The following TNPO1 variants were observed in gnomAD, a reference collection of about 807,000 sequenced individuals.
TNPO1 encodes transportin 1.
Under a neutral mutation model 119.5 loss-of-function variants are expected in TNPO1, and 8 were observed. The observed-to-expected ratio is 0.07, with a 90% CI of 0.04 to 0.12. TNPO1 has a LOEUF of 0.12. Ranked by LOEUF, TNPO1 falls within the 10% of genes least tolerant of loss-of-function variation. TNPO1 has a pLI of 1.00. For synonymous variants in TNPO1, 362 were observed against 363.0 expected, an observed-to-expected ratio of 1.00 and a Z score of 0.03; for missense variants, 576 against 1,089.8, an observed-to-expected ratio of 0.53 and a Z score of 6.64.
chr5:72,881,763 G>A (rs1261135377), intron 9 of TNPO1, among the ~76,000 whole-genome samples: 2 of 152,068 alleles, frequency 1.3e-5, no homozygotes, highest in East Asian at 1.9e-4. Context: ...CATATGAGCT[G>A]TTCTCTCCTA....
At chr5:72,893,270 T>G in intron 16 of TNPO1, 24 bp downstream of exon 16, 1 of 1,608,724 alleles carries the variant, frequency 6.2e-7, no homozygotes. Context: ...AATGTCTTCC[T>G]CTTCTTGACA....
chr5:72,841,234 C>T (rs1425140642), intron 1 of TNPO1, among the ~76,000 whole-genome samples: 1 of 151,942 alleles, frequency 6.6e-6, no homozygotes, highest in African/African-American at 2.4e-5. Flanking sequence ...GATTCTCCTG[C>T]CTCAGCCTCC....
intron 1 of TNPO1, among the ~76,000 whole-genome samples, chr5:72,832,900 A>G (rs771318275): frequency 2.6e-5 from 4 of 152,122 alleles, no homozygotes; most frequent in Non-Finnish European, 5.9e-5. Flanking sequence ...TTTACTCTCC[A>G]CCCATCTGGG....
At chr5:72,873,874 G>T (rs1209508044) in intron 7 of TNPO1, among the ~76,000 whole-genome samples, 1 of 152,126 alleles carries the variant, frequency 6.6e-6, no homozygotes, top group African/African-American at 2.4e-5. Flanking sequence ...CTGCCACAGA[G>T]TAAGCAGGCA....
At chr5:72,849,183 C>A (rs568185783) in intron 2 of TNPO1, among the ~76,000 whole-genome samples, 1 of 152,310 alleles carries the variant, frequency 6.6e-6, no homozygotes, top group East Asian at 1.9e-4. Context: ...TCAAGGCTGA[C>A]TGCACAATTA....
intron 11 of TNPO1, among the ~76,000 whole-genome samples, chr5:72,883,792 A>G (rs148015552): frequency 1.5e-3 from 227 of 152,000 alleles, no homozygotes; most frequent in African/African-American, 5.3e-3. Context: ...GGCTAGCATG[A>G]TTATGCAGTG....
rs555890488 is a variant in TNPO1 at position 72,848,057 on chromosome 5, C to T, written c.16-328C>T. The T allele has an allele frequency of 5.7e-5, 60 of 1,058,350 alleles. 1 individual carries two copies. The South Asian group carries it at 1.9e-3, about 33-fold the overall frequency. 65.6% of individuals were successfully genotyped at this position (1,058,350 alleles called of 1,614,324 possible). A position where few individuals can be genotyped will look rare whatever the true frequency, so the allele number is the denominator to read the frequency against. On this transcript the variant is annotated intron_variant, in intron 1 of 24. Coordinates refer to ENST00000337273, the MANE Select transcript of TNPO1 (RefSeq NM_002270.4). Reference sequence around the variant, plus strand: ...AGATGGGTTGGGTTGGAGAAAACTGCGTGGCACTAGGACCCAGGGGGCTCC... The same window carrying T: ...AGATGGGTTGGGTTGGAGAAAACTGTGTGGCACTAGGACCCAGGGGGCTCC...
intron 6 of TNPO1, among the ~76,000 whole-genome samples, chr5:72,872,087 GCACAATGGAAGTCAGGAAA>G (rs1413567629): frequency 6.6e-6 from 1 of 152,108 alleles, no homozygotes; most frequent in African/African-American, 2.4e-5. Context: ...GTGGGGTTTG[GCACAATGGAAGTCAGGAAA>G]CCAAGTACAG....
chr5:72,823,061 G>A (rs570830163), intron 1 of TNPO1, among the ~76,000 whole-genome samples: 1 of 152,022 alleles, frequency 6.6e-6, no homozygotes, highest in African/African-American at 2.4e-5. Context: ...GCAAAATCCA[G>A]TCTGAACCAT....
chr5:72,862,992 T>TTGTGTGTGTGTGTGTGTGTGTGTGTG (rs71614493), intron 5 of TNPO1, among the ~76,000 whole-genome samples: 1 of 144,772 alleles, frequency 6.9e-6, no homozygotes, highest in Non-Finnish European at 1.5e-5. Context: ...CTGTGGGTTT[T>TTGTGTGTGTGTGTGTGTGTGTGTGTG]TGTGTGTGTG....
In TNPO1 at chr5:72,851,125, TA is replaced by T. The variant is rs952049147; in HGVS notation, c.130-109del. ...TAGTAAGATATCCTTATTCTTAGTT[TA>T]AAAAAAAAACGCAGGACTGAAAATA... On this transcript the variant is annotated intron_variant, in intron 2 of 24. Coordinates refer to ENST00000337273, the MANE Select transcript of TNPO1 (RefSeq NM_002270.4). The T allele has an allele frequency of 2.2e-3, 1,297 of 593,876 alleles. 1 individual carries two copies. Among genetic ancestry groups the T allele is most frequent in the East Asian group, 0.011 (352 of 31,406 alleles). 36.8% of individuals were successfully genotyped at this position (593,876 alleles called of 1,614,324 possible). A position where few individuals can be genotyped will look rare whatever the true frequency, so the allele number is the denominator to read the frequency against.
chr5:72,882,761 T>C (rs1748340503), intron 10 of TNPO1, among the ~76,000 whole-genome samples: 1 of 152,186 alleles, frequency 6.6e-6, no homozygotes, highest in Non-Finnish European at 1.5e-5. Context: ...CTTGGAGTTA[T>C]TTTAAAAACA....
Position 72,909,008 on chromosome 5 carries a change from A to C in TNPO1, c.*335A>C. On this transcript the variant is annotated 3_prime_UTR_variant, in exon 25 of 25. Coordinates refer to ENST00000337273, the MANE Select transcript of TNPO1 (RefSeq NM_002270.4). ...AGTACATTGTGGAATATTATGGGGA[A>C]TTGTACCAAAACAAGAACCATATAA... 1 of 375,616 alleles carries C rather than the reference A, an allele frequency of 2.7e-6. No homozygotes were observed. Among genetic ancestry groups the C allele is most frequent in the South Asian group, 2.0e-5 (1 of 50,204 alleles). The allele number at this position is 375,616 out of a possible 1,614,324, so 23.3% of individuals were successfully genotyped here.
At chr5:72,853,942 C>T (rs1028451556) in intron 3 of TNPO1, among the ~76,000 whole-genome samples, 5 of 152,080 alleles carry the variant, frequency 3.3e-5, no homozygotes, top group African/African-American at 1.2e-4. Flanking sequence ...AATCGTTAGT[C>T]GTTGAATTTT....
intron 1 of TNPO1, among the ~76,000 whole-genome samples, chr5:72,823,437 G>A (rs1304942697): frequency 6.6e-6 from 1 of 152,034 alleles, no homozygotes; most frequent in African/African-American, 2.4e-5. Flanking sequence ...ATACCCTCGT[G>A]CACTGTCAAT....
chr5:72,893,069 C>A, intron 15 of TNPO1, 70 bp from the exon 16 acceptor site: 1 of 1,176,940 alleles, frequency 8.5e-7, no homozygotes, highest in South Asian at 1.3e-5. Context: ...CTGTTGAGCG[C>A]AGTTTCAAGC....
At chr5:72,867,236 T>C (rs190426024) in intron 6 of TNPO1, among the ~76,000 whole-genome samples, 117 of 152,328 alleles carry the variant, frequency 7.7e-4, no homozygotes, top group Admixed American at 3.5e-3. Context: ...GTACATACTT[T>C]TAGCATTTTT....
At chr5:72,834,359 A>G (rs934038455) in intron 1 of TNPO1, among the ~76,000 whole-genome samples, 4 of 152,196 alleles carry the variant, frequency 2.6e-5, no homozygotes, top group African/African-American at 9.7e-5. Context: ...AGAAGAAGGC[A>G]TTGTTATCAT....
intron 1 of TNPO1, among the ~76,000 whole-genome samples, chr5:72,841,506 C>T (rs1744913607): frequency 6.6e-6 from 1 of 151,854 alleles, no homozygotes; most frequent in African/African-American, 2.4e-5. Context: ...GGCATGCCAC[C>T]ACGCCTGGCT....
Sources: gnomAD v4.1 joint callset for allele counts (sites outside exome capture counted in the v4.1 genomes callset) on GRCh38, gnomAD v4.1.1 for gene constraint, MANE v1.5 for transcripts, NCBI Gene and HGNC (gene_info 2026-07-23, HGNC 2026-07-21) for gene names.